The following TNIK variants were observed in gnomAD, a reference collection of about 807,000 sequenced individuals.
TNIK encodes the protein TRAF2 and NCK-interacting protein kinase.
A neutral mutation model predicts 191.3 loss-of-function variants in TNIK; 49 were observed. The observed-to-expected ratio is 0.26, with a 90% confidence interval of 0.20 to 0.32. The LOEUF (loss-of-function observed/expected upper bound fraction) is 0.32. Among genes scored for constraint, TNIK ranks in the 10% least tolerant of loss-of-function variants. The probability of loss-of-function intolerance (pLI) is 1.00; values close to 1 mark genes in which losing one functional copy is unlikely to be tolerated. For missense variants in TNIK, 1,155 were observed against 1,702.3 expected (o/e 0.68, Z 5.66); for synonymous variants, 594 against 600.9 (o/e 0.99, Z 0.17).
At chr3:171,320,433 C>G (rs1191906051) in intron 2 of TNIK, among the ~76,000 whole-genome samples, 1 of 152,136 alleles carries the variant, frequency 6.6e-6, no homozygotes, top group African/African-American at 2.4e-5. Flanking sequence ...CTGACCTGGT[C>G]TGTCAATTTG....
intron 2 of TNIK, among the ~76,000 whole-genome samples, chr3:171,298,414 C>T (rs1752547779): frequency 6.6e-6 from 1 of 152,194 alleles, no homozygotes; most frequent in Non-Finnish European, 1.5e-5. Context: ...GTGGCAGAAA[C>T]AAAAATGCTT....
chr3:171,263,329 C>A (rs1747898224), intron 2 of TNIK, among the ~76,000 whole-genome samples: 1 of 152,046 alleles, frequency 6.6e-6, no homozygotes, highest in Admixed American at 6.6e-5. Context: ...ATTTGCATGC[C>A]CAAAGGCTTT....
chr3:171,275,884 G>A (rs115589595), intron 2 of TNIK, among the ~76,000 whole-genome samples: 9,003 of 151,168 alleles, frequency 0.06, 303 homozygotes, highest in Middle Eastern at 0.12. Flanking sequence ...GCGACAGAGC[G>A]CGACTCCGTC....
Position 171,460,195 on chromosome 3 carries a change from C to T in TNIK, c.-132G>A. 2.6e-6 allele frequency: 3 copies of T among 1,135,884 alleles called. No homozygotes were observed. The highest frequency in any genetic ancestry group is 3.8e-6 in the Non-Finnish European group (3 of 794,642). The allele number at this position is 1,135,884 out of a possible 1,614,324, so 70.4% of individuals were successfully genotyped here. On this transcript the variant is annotated 5_prime_UTR_variant, in exon 1 of 33. Transcript: ENST00000436636. The surrounding 1 kb of genome is among the most constrained non-coding windows in gnomAD (Gnocchi z 6.8). The stretch of plus-strand genomic sequence containing the variant: ...GAGGCCCCGGGCCCAGCCTCCCCCG[C>T]CCACCCCAGCCCCACAGCGCCGGAT...
chr3:171,381,382 G>C (rs910968741), intron 1 of TNIK, among the ~76,000 whole-genome samples: 1 of 152,172 alleles, frequency 6.6e-6, no homozygotes, highest in Admixed American at 6.5e-5. Context: ...GAATCTCCAA[G>C]ACAGGGCAAA....
intron 2 of TNIK, among the ~76,000 whole-genome samples, chr3:171,322,280 CT>C (rs552709932): frequency 1.3e-5 from 2 of 151,712 alleles, no homozygotes; most frequent in African/African-American, 2.4e-5. Flanking sequence ...CAATAAATAT[CT>C]TTTTTTTAGT....
intron 2 of TNIK, among the ~76,000 whole-genome samples, chr3:171,260,488 T>G (rs1747465291): frequency 6.6e-6 from 1 of 152,122 alleles, no homozygotes; most frequent in African/African-American, 2.4e-5. Flanking sequence ...ATGAAAGCAT[T>G]AATTTCCAAG....
At chr3:171,429,875 C>A (rs1424389162) in intron 1 of TNIK, among the ~76,000 whole-genome samples, 1 of 152,164 alleles carries the variant, frequency 6.6e-6, no homozygotes, top group Admixed American at 6.5e-5. Context: ...CTCCCCCGAA[C>A]ACCCTGCAAT....
At chr3:171,170,341 A>C (rs1735115733) in intron 9 of TNIK, among the ~76,000 whole-genome samples, 1 of 152,218 alleles carries the variant, frequency 6.6e-6, no homozygotes, top group African/African-American at 2.4e-5. Flanking sequence ...AAATGCTGGA[A>C]AGATTGTTAC....
In TNIK at chr3:171,460,116, T is replaced by C. The variant is rs1019835409; in HGVS notation, c.-53A>G. 2 of 1,566,444 alleles carry C rather than the reference T, an allele frequency of 1.3e-6. No homozygotes were observed. Among genetic ancestry groups the C allele is most frequent in the Middle Eastern group, 1.7e-4 (1 of 6,010 alleles). On this transcript the variant is annotated 5_prime_UTR_variant, in exon 1 of 33. Transcript: ENST00000436636. This position sits in a 1 kb window ranked among gnomAD's most constrained non-coding sequence, Gnocchi z 6.8. The stretch of plus-strand genomic sequence containing the variant: ...CAAAACCACCCCGAAGCTTTTCCCT[T>C]GGAAATTCCACCTTGGTCTATTTCA...
chr3:171,118,804 A>T (rs986195996), intron 18 of TNIK, among the ~76,000 whole-genome samples: 8 of 152,212 alleles, frequency 5.3e-5, no homozygotes, highest in Non-Finnish European at 1.2e-4. Flanking sequence ...TGGATTAAAG[A>T]CTTAAATGTT....
intron 2 of TNIK, among the ~76,000 whole-genome samples, chr3:171,288,371 A>T (rs550129878): frequency 1.3e-5 from 2 of 152,256 alleles, no homozygotes; most frequent in African/African-American, 4.8e-5. Flanking sequence ...TTGAACAATC[A>T]ATTAAAAGTC....
chr3:171,264,335 T>TAC (rs145643748), intron 2 of TNIK, among the ~76,000 whole-genome samples: 26,723 of 148,026 alleles, frequency 0.18, 2,512 homozygotes, highest in African/African-American at 0.21. Context: ...ACACGTATAA[T>TAC]ACACACACAC....
In TNIK at chr3:171,354,836, C is replaced by T. The variant is rs1006842652; in HGVS notation, c.123+14784G>A. On this transcript the variant is annotated intron_variant, in intron 2 of 32. Coordinates refer to ENST00000436636, the MANE Select transcript of TNIK (RefSeq NM_015028.4). ...AGTACTTAGGCCAAATTTCAAAGAG[C>T]ACATCTGACCATAGTATTACTCATC... is the stretch of plus-strand genomic sequence containing the variant. 1.2e-4 allele frequency among the ~76,000 whole-genome samples: 19 copies of T among 152,294 alleles called. 1 individual carries two copies. The South Asian group carries it at 3.9e-3, about 32-fold the overall frequency.
chr3:171,434,762 C>T (rs1266941361), intron 1 of TNIK, among the ~76,000 whole-genome samples: 1 of 152,164 alleles, frequency 6.6e-6, no homozygotes, highest in Non-Finnish European at 1.5e-5. Context: ...GCCTGGCCCT[C>T]ATCCTCTTAT....
intron 1 of TNIK, among the ~76,000 whole-genome samples, chr3:171,387,746 C>T (rs1394554880): frequency 6.6e-6 from 1 of 152,108 alleles, no homozygotes; most frequent in Non-Finnish European, 1.5e-5. Context: ...ATCAAAGCCA[C>T]CTGTAGGATT....
chr3:171,210,688 T>G (rs1033826139), intron 4 of TNIK, among the ~76,000 whole-genome samples: 6 of 152,170 alleles, frequency 3.9e-5, no homozygotes, highest in Non-Finnish European at 8.8e-5. Context: ...TATGTAGACT[T>G]TGGAACAGTT....
At chr3:171,317,273 T>C (rs1185656210) in intron 2 of TNIK, among the ~76,000 whole-genome samples, 2 of 152,026 alleles carry the variant, frequency 1.3e-5, no homozygotes, top group Non-Finnish European at 2.9e-5. Context: ...ACAATCAAGG[T>C]GGTGCAAGAC....
chr3:171,338,144 C>G (rs555238179), intron 2 of TNIK, among the ~76,000 whole-genome samples: 1 of 151,860 alleles, frequency 6.6e-6, no homozygotes, highest in Admixed American at 6.6e-5. Context: ...TGGCTCCCCA[C>G]TCCAAGTCTT....
Sources: allele counts gnomAD v4.1 joint callset (sites outside exome capture counted in the v4.1 genomes callset), GRCh38; gene constraint gnomAD v4.1.1; non-coding constraint Gnocchi (gnomAD v3.1); transcripts MANE v1.5; gene names NCBI Gene and HGNC (gene_info 2026-07-23, HGNC 2026-07-21).